The following LRIG1 variants were observed in gnomAD, a reference collection of about 807,000 sequenced individuals.
LRIG1 encodes the protein leucine-rich repeats and immunoglobulin-like domains protein 1.
Under a neutral mutation model 99.2 loss-of-function variants are expected in LRIG1, and 48 were observed. That is an observed-to-expected ratio of 0.48 (90% CI 0.38 to 0.62). LRIG1 has a LOEUF of 0.62. Among genes scored for constraint, LRIG1 ranks in the 20% least tolerant of loss-of-function variants. The pLI, the probability that LRIG1 is intolerant of heterozygous loss-of-function variation, is 0.00. For missense variants in LRIG1, 1,646 were observed against 1,434.4 expected, an observed-to-expected ratio of 1.15 and a Z score of -2.38; for synonymous variants, 772 against 596.1, an observed-to-expected ratio of 1.29 and a Z score of -4.30.
At chr3:66,489,806 T>A (rs550261548) in intron 1 of LRIG1, among the ~76,000 whole-genome samples, 1 of 152,256 alleles carries the variant, frequency 6.6e-6, no homozygotes, top group East Asian at 1.9e-4. Context: ...GGCCCAGCCA[T>A]GAGCTAGTTT....
intron 1 of LRIG1, among the ~76,000 whole-genome samples, chr3:66,480,751 T>C (rs1700831072): frequency 6.6e-6 from 1 of 152,358 alleles, no homozygotes; most frequent in African/African-American, 2.4e-5. Flanking sequence ...ATTCTTGGCA[T>C]TTTGAAAGAG....
intron 1 of LRIG1, among the ~76,000 whole-genome samples, chr3:66,497,565 C>A (rs929594440): frequency 2.0e-5 from 3 of 152,034 alleles, no homozygotes; most frequent in Admixed American, 6.5e-5. Context: ...GAAAAGTTAT[C>A]CTCAGGCCCC....
intron 3 of LRIG1, among the ~76,000 whole-genome samples, chr3:66,445,125 T>A (rs1703672476): frequency 6.6e-6 from 1 of 152,054 alleles, no homozygotes; most frequent in African/African-American, 2.4e-5. Context: ...TGCTCACATT[T>A]TCTTCCTAAA....
chr3:66,382,190 C>A, intron 16 of LRIG1, 83 bp downstream of exon 16: 1 of 1,538,244 alleles, frequency 6.5e-7, no homozygotes, highest in South Asian at 1.1e-5. Context: ...CAGGTACCTG[C>A]CCTGTAAAGA....
At chr3:66,386,757 G>A (rs1349779733) in intron 12 of LRIG1, 3 of 152,842 alleles carry the variant, frequency 2.0e-5, no homozygotes, top group Non-Finnish European at 2.9e-5. Flanking sequence ...TTAAAACAAG[G>A]AAAACACCTG....
At chr3:66,495,161 G>A (rs1368763612) in intron 1 of LRIG1, among the ~76,000 whole-genome samples, 1 of 152,184 alleles carries the variant, frequency 6.6e-6, no homozygotes, top group Non-Finnish European at 1.5e-5. Flanking sequence ...GAACCCTAGT[G>A]GCTCAGTGTC....
rs542387659 is a variant in LRIG1, at chr3:66,475,156, G to A, written c.219-12647C>T. Among the ~76,000 whole-genome samples, 8 of 152,204 alleles carry A rather than the reference G, an allele frequency of 5.3e-5. No homozygotes were observed. The East Asian group carries it at 1.2e-3, about 22-fold the overall frequency. On this transcript the variant is annotated intron_variant, in intron 1 of 18. Coordinates refer to ENST00000273261, the MANE Select transcript of LRIG1 (RefSeq NM_015541.3). ...CTTAGCCTAACACTTGCTATATAAC[G>A]AACACACAATCTCCCAGGTTCTACC...
chr3:66,392,192 T>C (rs1465184864), intron 12 of LRIG1, among the ~76,000 whole-genome samples: 1 of 152,244 alleles, frequency 6.6e-6, no homozygotes, highest in African/African-American at 2.4e-5. Context: ...GTTTATCCAG[T>C]CATCCACTGA....
In LRIG1 at chr3:66,381,186, C is replaced by T. The variant is rs142123664; in HGVS notation, c.2770+293G>A. ...AATTAGAAATAAGCCTCAAAATAGC[C>T]CTGGTGAAAAAGTGCTGACTGAAAC... On this transcript the variant is annotated intron_variant, in intron 17 of 18. Transcript: ENST00000273261. Among the ~76,000 whole-genome samples, 1,308 of 152,236 alleles carry T rather than the reference C, an allele frequency of 8.6e-3. 28 individuals carry two copies. The highest frequency in any genetic ancestry group is 0.03 in the African/African-American group (1,261 of 41,546).
chr3:66,418,059 T>C (rs1396187574), intron 3 of LRIG1, among the ~76,000 whole-genome samples: 1 of 152,096 alleles, frequency 6.6e-6, no homozygotes, highest in African/African-American at 2.4e-5. Context: ...AAGACAGGAA[T>C]GTTCCACTGT....
intron 9 of LRIG1, chr3:66,401,700 G>C (rs1178273940): frequency 6.6e-7 from 1 of 1,513,328 alleles, no homozygotes; most frequent in South Asian, 1.2e-5. Context: ...GGAGAAAGGA[G>C]AGGCGGGATT....
intron 3 of LRIG1, among the ~76,000 whole-genome samples, chr3:66,435,832 A>G (rs1703337327): frequency 6.6e-6 from 1 of 151,786 alleles, no homozygotes; most frequent in African/African-American, 2.4e-5. Flanking sequence ...CCTAAGTATC[A>G]TTAAAACAAC....
intron 15 of LRIG1, 45 bp downstream of exon 15, chr3:66,382,937 C>G (rs1435287063): frequency 1.1e-5 from 17 of 1,544,408 alleles, no homozygotes; most frequent in Non-Finnish European, 1.5e-5. Flanking sequence ...AGCATCACTG[C>G]CATTCCTCCC....
At chr3:66,458,678 G>A (rs951354223) in intron 2 of LRIG1, among the ~76,000 whole-genome samples, 8 of 152,004 alleles carry the variant, frequency 5.3e-5, no homozygotes, top group Non-Finnish European at 1.0e-4. Context: ...CTCCAGCCAC[G>A]GTGACAGAGC....
chr3:66,438,855 G>C (rs886789114), intron 3 of LRIG1, among the ~76,000 whole-genome samples: 2 of 152,192 alleles, frequency 1.3e-5, no homozygotes, highest in Admixed American at 6.5e-5. Flanking sequence ...CACGCCTTTT[G>C]GCTTTCTCTT....
At position 66,415,001 on chromosome 3, in the gene LRIG1, G is replaced by C; in HGVS notation, c.566C>G (p.Ser189Trp). The C allele has an allele frequency of 1.2e-6, 2 of 1,612,760 alleles. No individual in the cohort carries two copies. Among genetic ancestry groups the C allele is most frequent in the Admixed American group, 1.7e-5 (1 of 59,798 alleles). The change falls in exon 5 of 19, where the codon TCG (serine) becomes TGG (tryptophan). Residue 189 changes from serine to tryptophan, a missense_variant. Transcript: ENST00000273261. ...ELGAFDGLSR[S>W]LLTLRLSKNR... ...TTTGCTCAGGCGAAGAGTTAGCAGC[G>C]ACCGTGACAGACCATCAAATGCTCC...
At position 66,395,144 on chromosome 3, in the gene LRIG1, C is replaced by T. The variant is rs575255260; in HGVS notation, c.1305-941G>A. On this transcript the variant is annotated intron_variant, in intron 11 of 18. Transcript: ENST00000273261. Reference sequence around the variant, plus strand: ...CTGTGAGCTAAAGAATGATGGCTGGCCCACGATAAGGGAAGACTGGGAAAG... The same window carrying T: ...CTGTGAGCTAAAGAATGATGGCTGGTCCACGATAAGGGAAGACTGGGAAAG... Among the ~76,000 whole-genome samples, 19 of 152,260 alleles carry T rather than the reference C, an allele frequency of 1.2e-4. No homozygotes were observed. The East Asian group carries it at 3.7e-3, about 29-fold the overall frequency.
intron 5 of LRIG1, 121 bp from the exon 6 acceptor site, chr3:66,413,135 G>A (rs1460406664): frequency 8.7e-7 from 1 of 1,154,940 alleles, no homozygotes; most frequent in Non-Finnish European, 1.2e-6. Context: ...AGGGATCCCT[G>A]GGAAGCCAGG....
At chr3:66,470,126 G>A (rs112499929) in intron 1 of LRIG1, among the ~76,000 whole-genome samples, 2,993 of 152,100 alleles carry the variant, frequency 0.02, 36 homozygotes, top group Non-Finnish European at 0.031. Flanking sequence ...GAAAATAATC[G>A]GAGGGCCAGC....
Sources: gnomAD v4.1 joint callset for allele counts (sites outside exome capture counted in the v4.1 genomes callset) on GRCh38, gnomAD v4.1.1 for gene constraint, MANE v1.5 for transcripts, NCBI Gene and HGNC (gene_info 2026-07-23, HGNC 2026-07-21) for gene names.